Variants in ZNF25 observed in about 807,000 individuals in gnomAD.
The protein encoded by ZNF25 is zinc finger protein 25 (KOX 19).
In ZNF25, 21 loss-of-function variants were observed where a neutral mutation model predicts 30.9. The ratio of observed to expected loss-of-function variants is 0.68; its 90% CI spans 0.48 to 0.98. The LOEUF is 0.98. Ranked by LOEUF, ZNF25 falls within the 50% of genes least tolerant of loss-of-function variation. The probability of loss-of-function intolerance (pLI) is 0.00; values close to 1 mark genes in which losing one functional copy is unlikely to be tolerated. For missense variants in ZNF25, 501 were observed against 529.9 expected (o/e 0.95, Z 0.54); for synonymous variants, 169 against 181.3 (o/e 0.93, Z 0.55).
intron 2 of ZNF25, among the ~76,000 whole-genome samples, chr10:37,962,944 T>C (rs866895033): frequency 2.0e-5 from 3 of 152,000 alleles, no homozygotes; most frequent in African/African-American, 4.8e-5. Context: ...TCAACACGAG[T>C]GATTTCCTGA....
intron 1 of ZNF25, among the ~76,000 whole-genome samples, chr10:37,973,596 CAA>C (rs143239470): frequency 1.0e-4 from 13 of 129,992 alleles, no homozygotes; most frequent in African/African-American, 2.1e-4. Context: ...GCCCTTGTCT[CAA>C]AAAAAAAAAA....
At position 37,952,906 on chromosome 10, in the gene ZNF25, C is replaced by T. The variant is rs371263767; in HGVS notation, c.592G>A (p.Gly198Arg). The change falls in exon 6 of 6, where the codon GGA becomes AGA. Residue 198 changes from glycine (G) to arginine (R), a missense_variant. Transcript: ENST00000302609. ...TGATTACATTCATAGGGTTTCTCTC[C>T]TGCATGGGTTCTCAGATGTCTACTG... Reference protein sequence around the residue: ...SLSRHLRTHAGEKPYECNQCE... With the variant: ...SLSRHLRTHAREKPYECNQCE... 1.1e-4 allele frequency: 184 copies of T among 1,614,030 alleles called. No individual in the cohort carries two copies. Among genetic ancestry groups the T allele is most frequent in the Non-Finnish European group, 1.5e-4 (179 of 1,180,028 alleles).
At chr10:37,963,978 A>C (rs915441028) in intron 2 of ZNF25, among the ~76,000 whole-genome samples, 1 of 152,112 alleles carries the variant, frequency 6.6e-6, no homozygotes, top group African/African-American at 2.4e-5. Flanking sequence ...CTACCTCAAA[A>C]AATAAATAAG....
intron 3 of ZNF25, 135 bp from the exon 4 acceptor site, chr10:37,957,250 G>A (rs1164342732): frequency 1.6e-6 from 2 of 1,244,768 alleles, no homozygotes; most frequent in African/African-American, 3.0e-5. Context: ...TTTCAGCGGG[G>A]AGAGAGGGAC....
intron 2 of ZNF25, among the ~76,000 whole-genome samples, chr10:37,962,488 T>C (rs766037422): frequency 2.1e-4 from 32 of 152,214 alleles, no homozygotes; most frequent in South Asian, 1.0e-3. Context: ...ACTGAAAGAA[T>C]TGAAATCTAC....
At position 37,952,722 on chromosome 10, in the gene ZNF25, T is replaced by G. The variant is rs1043057525; in HGVS notation, c.776A>C (p.Glu259Ala). 10 of 1,613,926 alleles carry G rather than the reference T, an allele frequency of 6.2e-6. No homozygotes were observed. Among genetic ancestry groups the G allele is most frequent in the Non-Finnish European group, 8.5e-6 (10 of 1,179,966 alleles). Residue 259 changes from glutamate (E) to alanine (A), a missense_variant, in exon 6 of 6, where the codon GAG becomes GCG. By Grantham distance (107) the Glu-to-Ala change is moderately radical. Coordinates refer to ENST00000302609, the MANE Select transcript of ZNF25 (RefSeq NM_145011.4). ...AAAGGCTTTCCCACACTCCTTACAC[T>G]CATAGGGTTTCTCCCCTGTGTGTGT... Reference protein sequence around the residue: ...QKTHTGEKPYECKECGKAFSQ... With the variant: ...QKTHTGEKPYACKECGKAFSQ...
Position 37,953,002 on chromosome 10 carries a change from T to C in ZNF25, c.496A>G (p.Lys166Glu). 4 of 1,614,052 alleles carry C rather than the reference T, an allele frequency of 2.5e-6. No individual in the cohort carries two copies. The highest frequency in any genetic ancestry group is 3.4e-6 in the Non-Finnish European group (4 of 1,180,008). ...SKNEDLIRHQ[K>E]IHTRDKTYEC... is the part of the protein sequence containing the mutation. The stretch of plus-strand genomic sequence containing the variant: ...TAGGTTTTATCTCTCGTGTGAATTT[T>C]CTGATGTCTTATGAGGTCTTCATTT... The change falls in exon 6 of 6, where the codon AAA becomes GAA. Residue 166 changes from lysine (K) to glutamate (E), a missense_variant. Transcript: ENST00000302609.
Position 37,952,311 on chromosome 10 carries a change from T to C in ZNF25, c.1187A>G (p.Lys396Arg). The C allele has an allele frequency of 1.2e-6, 2 of 1,613,848 alleles. No individual in the cohort carries two copies. The highest frequency in any genetic ancestry group is 2.2e-5 in the East Asian group (1 of 44,860). ...RLHQRTHTGEKPYACKECGKS... is the reference protein window; with the variant it reads ...RLHQRTHTGERPYACKECGKS... ...CCCACATTCCTTGCATGCATAGGGC[T>C]TCTCTCCTGTGTGAGTCCTTTGATG... is the stretch of plus-strand genomic sequence containing the variant. Residue 396 changes from lysine to arginine, a missense_variant, in exon 6 of 6, where the codon AAG (lysine) becomes AGG (arginine). Lys to Arg is a conservative substitution (Grantham distance 26, BLOSUM62 2). Coordinates refer to ENST00000302609, the MANE Select transcript of ZNF25 (RefSeq NM_145011.4).
At chr10:37,971,918 T>C in intron 1 of ZNF25, 111 bp from the exon 2 acceptor site, 1 of 645,694 alleles carries the variant, frequency 1.5e-6, no homozygotes, top group South Asian at 2.0e-5. Flanking sequence ...CACCCACCTG[T>C]CCACTTCTGA....
chr10:37,959,399 G>T (rs1400939077), intron 2 of ZNF25, among the ~76,000 whole-genome samples: 1 of 152,192 alleles, frequency 6.6e-6, no homozygotes, highest in Non-Finnish European at 1.5e-5. Flanking sequence ...CTGGGAGAAA[G>T]GGGGAGGGCA....
chr10:37,950,217 G>A lies in ZNF25; in HGVS notation c.*1910C>T, dbSNP rs2062072537. ...GCTACAACTACTCAACTCTGCTGGG[G>A]TAGTGCAAAGACAGCCACAGGTCAA... On this transcript the variant is annotated 3_prime_UTR_variant, in exon 6 of 6. Coordinates refer to ENST00000302609, the MANE Select transcript of ZNF25 (RefSeq NM_145011.4). 2 of 152,618 alleles carry A rather than the reference G, an allele frequency of 1.3e-5. No homozygotes were observed. Among genetic ancestry groups the A allele is most frequent in the Admixed American group, 1.3e-4 (2 of 15,264 alleles). The allele number at this position is 152,618 out of a possible 1,614,324, so 9.5% of individuals were successfully genotyped here.
intron 2 of ZNF25, among the ~76,000 whole-genome samples, chr10:37,959,451 T>C (rs1300192225): frequency 6.6e-6 from 1 of 152,190 alleles, no homozygotes; most frequent in Non-Finnish European, 1.5e-5. Flanking sequence ...GGTACAGTTA[T>C]AGTGCCAATT....
chr10:37,974,767 A>C (rs1459839980), intron 1 of ZNF25, among the ~76,000 whole-genome samples: 1 of 152,208 alleles, frequency 6.6e-6, no homozygotes, highest in African/African-American at 2.4e-5. Flanking sequence ...CTATATATAT[A>C]TCCAAAAGAA....
chr10:37,959,164 A>G (rs558321439), intron 2 of ZNF25, among the ~76,000 whole-genome samples: 10 of 152,344 alleles, frequency 6.6e-5, no homozygotes, highest in African/African-American at 2.4e-4. Context: ...GATGCTCACC[A>G]TTCACTGTGT....
chr10:37,974,799 T>C (rs892506724), intron 1 of ZNF25, among the ~76,000 whole-genome samples: 28 of 152,194 alleles, frequency 1.8e-4, no homozygotes, highest in African/African-American at 6.8e-4. Context: ...ATATTGAAGA[T>C]ATCTCTGCAC....
intron 2 of ZNF25, 75 bp downstream of exon 2, chr10:37,971,633 A>ACG (rs1222747146): frequency 2.1e-6 from 1 of 470,800 alleles, no homozygotes; most frequent in Non-Finnish European, 2.9e-6. Flanking sequence ...CTCATTAAAC[A>ACG]CACACACACA....
chr10:37,971,630 A>AAC (rs4007126), intron 2 of ZNF25, 78 bp downstream of exon 2: 194,202 of 1,351,776 alleles, frequency 0.14, 2,759 homozygotes, highest in South Asian at 0.16. Flanking sequence ...AAACTCATTA[A>AAC]ACACACACAC....
At chr10:37,968,976 T>C (rs981331875) in intron 2 of ZNF25, among the ~76,000 whole-genome samples, 3 of 151,854 alleles carry the variant, frequency 2.0e-5, no homozygotes, top group Non-Finnish European at 2.9e-5. Context: ...TATATACAAA[T>C]GGCCAAAAAG....
intron 2 of ZNF25, among the ~76,000 whole-genome samples, chr10:37,963,504 T>C (rs2063006839): frequency 6.6e-6 from 1 of 152,194 alleles, no homozygotes; most frequent in South Asian, 2.1e-4. Flanking sequence ...GGCCTACTGA[T>C]ACAGTTTGGA....
Sources: allele counts gnomAD v4.1 joint callset (sites outside exome capture counted in the v4.1 genomes callset), GRCh38; gene constraint gnomAD v4.1.1; transcripts MANE v1.5; gene names NCBI Gene and HGNC (gene_info 2026-07-23, HGNC 2026-07-21).